TP63: variants seen among roughly 807,000 people sequenced by gnomAD.
TP63 encodes the protein tumor protein p63.
Under a neutral mutation model 82.8 loss-of-function variants are expected in TP63, and 17 were observed. That is an observed-to-expected ratio of 0.21 (90% CI 0.14 to 0.31). The LOEUF (loss-of-function observed/expected upper bound fraction) is 0.31, where lower values mean the gene tolerates loss of function less well. TP63 is among the 10% of genes least tolerant of loss of function. The probability of loss-of-function intolerance (pLI) is 1.00; values close to 1 mark genes in which losing one functional copy is unlikely to be tolerated. For missense variants in TP63, 648 were observed against 895.3 expected, an observed-to-expected ratio of 0.72 and a Z score of 3.52; for synonymous variants, 330 against 321.7, an observed-to-expected ratio of 1.03 and a Z score of -0.28.
intron 1 of TP63, among the ~76,000 whole-genome samples, chr3:189,707,351 CTGTA>C (rs1220086743): frequency 6.6e-6 from 1 of 152,104 alleles, no homozygotes; most frequent in Non-Finnish European, 1.5e-5. Flanking sequence ...ATTTTAATTA[CTGTA>C]TGTAATATTG....
chr3:189,705,088 TA>T (rs1718100830), intron 1 of TP63, among the ~76,000 whole-genome samples: 1 of 152,236 alleles, frequency 6.6e-6, no homozygotes, highest in African/African-American at 2.4e-5. Context: ...TTTGTATAAA[TA>T]ACATGTCATC....
At position 189,724,043 on chromosome 3, in the gene TP63, A is replaced by C. The variant is rs199978719; in HGVS notation, c.63-13697A>C. Among the ~76,000 whole-genome samples the C allele has an allele frequency of 4.2e-5, 6 of 141,568 alleles. No homozygotes were observed. The South Asian group carries it at 6.6e-4, about 16-fold the overall frequency. The allele number at this position is 141,568 out of a possible 152,430, so 92.9% of individuals were successfully genotyped here. On this transcript the variant is annotated intron_variant, in intron 1 of 13. Coordinates refer to ENST00000264731, the MANE Select transcript of TP63 (RefSeq NM_003722.5). ...TTTTTTTTTTTGTCTCATTGTTGCA[A>C]ATATCCACTCCACTCCTCACAGAGG...
At position 189,703,817 on chromosome 3, in the gene TP63, CA is replaced by C. The variant is rs560778226; in HGVS notation, c.63-33922del. Among the ~76,000 whole-genome samples the C allele has an allele frequency of 2.0e-3, 301 of 152,258 alleles. 1 individual carries two copies. Among genetic ancestry groups the C allele is most frequent in the African/African-American group, 6.9e-3 (286 of 41,534 alleles). On this transcript the variant is annotated intron_variant, in intron 1 of 13. Transcript: ENST00000264731. Reference sequence around the variant, plus strand: ...TGATCATGACTTATTCAGAGTTATACAGTGAGTTGTTGGGAAAACAGAGGCC... The same window carrying C: ...TGATCATGACTTATTCAGAGTTATACGTGAGTTGTTGGGAAAACAGAGGCC...
intron 11 of TP63, 55 bp from the exon 12 acceptor site, chr3:189,889,285 A>T: frequency 6.2e-7 from 1 of 1,613,204 alleles, no homozygotes; most frequent in Non-Finnish European, 8.5e-7. Flanking sequence ...GACCACTGGG[A>T]TGCTGGTACA....
intron 4 of TP63, among the ~76,000 whole-genome samples, chr3:189,848,238 C>CG (rs1560254183): frequency 1.1e-3 from 29 of 26,580 alleles, no homozygotes; most frequent in African/African-American, 4.2e-3. Context: ...CCTCCTCCTC[C>CG]TTCTCTCTCT....
intron 1 of TP63, among the ~76,000 whole-genome samples, chr3:189,674,152 T>A (rs1310396900): frequency 6.6e-6 from 1 of 152,114 alleles, no homozygotes; most frequent in African/African-American, 2.4e-5. Context: ...TACACCAGTG[T>A]ACATAATGTC....
At chr3:189,662,254 G>T (rs1241014978) in intron 1 of TP63, among the ~76,000 whole-genome samples, 3 of 151,970 alleles carry the variant, frequency 2.0e-5, no homozygotes, top group African/African-American at 7.2e-5. Flanking sequence ...AACGATTTTG[G>T]TATGCAGTGT....
chr3:189,631,562 A>G lies in TP63; in HGVS notation c.47A>G (p.Asp16Gly), dbSNP rs1729457321. 6.2e-6 allele frequency: 10 copies of G among 1,612,902 alleles called. No individual in the cohort carries two copies. Among genetic ancestry groups the G allele is most frequent in the Non-Finnish European group, 8.5e-6 (10 of 1,179,152 alleles). Residue 16 changes from aspartate (D) to glycine (G), a missense_variant, in exon 1 of 14, where the codon GAC (aspartate) becomes GGC (glycine). Physicochemically the swap from Asp to Gly is moderately conservative, Grantham distance 94. Coordinates refer to ENST00000264731, the MANE Select transcript of TP63 (RefSeq NM_003722.5). The part of the protein sequence containing the change: ...SRCATLQYCP[D>G]PYIQRFVETP... The stretch of plus-strand genomic sequence containing the variant: ...TGTGCCACCCTACAGTACTGCCCTG[A>G]CCCTTACATCCAGCGGTGAGTTTGA...
At chr3:189,849,498 C>T (rs1161372597) in intron 4 of TP63, among the ~76,000 whole-genome samples, 1 of 152,012 alleles carries the variant, frequency 6.6e-6, no homozygotes, top group Non-Finnish European at 1.5e-5. Context: ...CACATTTGGC[C>T]ACAGAAGTCA....
At chr3:189,840,356 C>CTTTT (rs1713816495) in intron 4 of TP63, among the ~76,000 whole-genome samples, 1 of 26,208 alleles carries the variant, frequency 3.8e-5, no homozygotes, top group Non-Finnish European at 9.3e-5. Flanking sequence ...TTTTGCTTTT[C>CTTTT]GTCTTTTTTT....
chr3:189,721,744 C>T (rs1172611763), intron 1 of TP63, among the ~76,000 whole-genome samples: 2 of 152,298 alleles, frequency 1.3e-5, no homozygotes, highest in African/African-American at 4.8e-5. Flanking sequence ...TTATCCTCGC[C>T]ACTTGAGACT....
At chr3:189,681,563 C>T (rs546432338) in intron 1 of TP63, among the ~76,000 whole-genome samples, 1 of 152,250 alleles carries the variant, frequency 6.6e-6, no homozygotes, top group Non-Finnish European at 1.5e-5. Context: ...TGAAGCCAGG[C>T]TCTATATTTC....
intron 1 of TP63, among the ~76,000 whole-genome samples, chr3:189,702,561 A>G (rs1489330670): frequency 6.6e-6 from 1 of 152,230 alleles, no homozygotes; most frequent in Non-Finnish European, 1.5e-5. Flanking sequence ...CTGGGTCCCA[A>G]GGAAACCAGC....
intron 4 of TP63, among the ~76,000 whole-genome samples, chr3:189,854,948 T>C (rs1716105541): frequency 6.6e-6 from 1 of 152,060 alleles, no homozygotes. Flanking sequence ...TAAAAAGGGA[T>C]GAAGATTAAA....
chr3:189,864,547 T>A, intron 5 of TP63, 129 bp downstream of exon 5: 1 of 652,286 alleles, frequency 1.5e-6, no homozygotes, highest in Non-Finnish European at 2.3e-6. Flanking sequence ...CTGCCTTTTT[T>A]TTTTTTTTTT....
At chr3:189,677,480 C>G (rs1322015702) in intron 1 of TP63, among the ~76,000 whole-genome samples, 2 of 149,740 alleles carry the variant, frequency 1.3e-5, no homozygotes, top group African/African-American at 4.9e-5. Context: ...ATGGCATTTT[C>G]TTTATCTAAC....
intron 1 of TP63, among the ~76,000 whole-genome samples, chr3:189,675,048 G>C (rs1211773230): frequency 1.3e-5 from 2 of 152,092 alleles, no homozygotes; most frequent in South Asian, 4.1e-4. Context: ...CATAGTTCTG[G>C]AGAATGGGAA....
At chr3:189,837,949 AT>A (rs1304068667) in intron 4 of TP63, among the ~76,000 whole-genome samples, 1 of 152,156 alleles carries the variant, frequency 6.6e-6, no homozygotes, top group African/African-American at 2.4e-5. Flanking sequence ...ATGCTGAAAA[AT>A]TTCATTGCTT....
chr3:189,597,164 A>G, the TP63 span, among the ~76,000 whole-genome samples: 2 of 152,206 alleles, frequency 1.3e-5, no homozygotes, highest in Admixed American at 6.5e-5. Context: ...CGGACACCCT[A>G]TCAGAGATTT....
Sources: gnomAD v4.1 joint callset for allele counts (sites outside exome capture counted in the v4.1 genomes callset) on GRCh38, gnomAD v4.1.1 for gene constraint, MANE v1.5 for transcripts, NCBI Gene and HGNC (gene_info 2026-07-23, HGNC 2026-07-21) for gene names.